DNAH2: variants seen among roughly 807,000 people sequenced by gnomAD.
DNAH2 encodes the protein dynein axonemal heavy chain 2, also known as axonemal beta dynein heavy chain 2.
Under a neutral mutation model 523.5 loss-of-function variants are expected in DNAH2, and 323 were observed. The observed-to-expected ratio is 0.62, with a 90% CI of 0.56 to 0.68. The LOEUF is 0.68. Among genes scored for constraint, DNAH2 ranks in the 30% least tolerant of loss-of-function variants. The probability of loss-of-function intolerance (pLI) is 0.00; values close to 1 mark genes in which losing one functional copy is unlikely to be tolerated. For synonymous variants in DNAH2, 2,093 were observed against 2,177.4 expected, an observed-to-expected ratio of 0.96 and a Z score of 1.08; for missense variants, 4,907 against 5,701.5, an observed-to-expected ratio of 0.86 and a Z score of 4.49.
In DNAH2 at chr17:7,766,180, C is replaced by T. The variant is rs574125600; in HGVS notation, c.3512-138C>T. On this transcript the variant is annotated intron_variant, in intron 21 of 85. Transcript: ENST00000572933. ...AAGATTAACCGTTATTCTTTCAACG[C>T]GTTCCCTCTTACTCTCCTTCCCTTC... 8.2e-5 allele frequency: 70 copies of T among 855,292 alleles called. No individual in the cohort carries two copies. The East Asian group carries it at 1.2e-3, about 15-fold the overall frequency. 53.0% of individuals were successfully genotyped at this position (855,292 alleles called of 1,614,324 possible). A position where few individuals can be genotyped will look rare whatever the true frequency, so the allele number is the denominator to read the frequency against.
chr17:7,805,197 G>C, intron 60 of DNAH2, 55 bp from the exon 61 acceptor site: 3 of 1,604,258 alleles, frequency 1.9e-6, no homozygotes, highest in Middle Eastern at 1.7e-4. Context: ...ACCTCAGCTA[G>C]GTTCTGTCTC....
At chr17:7,818,569 C>A in intron 69 of DNAH2, 74 bp from the exon 70 acceptor site, 2 of 1,602,714 alleles carry the variant, frequency 1.2e-6, no homozygotes, top group South Asian at 2.2e-5. Flanking sequence ...AGGGGTCTTT[C>A]AAGGTGGAAA....
At position 7,784,663 on chromosome 17, in the gene DNAH2, T is replaced by C. The variant is rs7221433; in HGVS notation, c.6130-1461T>C. 6.3e-3 allele frequency among the ~76,000 whole-genome samples: 965 copies of C among 152,294 alleles called. 8 individuals are homozygous for C. Among genetic ancestry groups the C allele is most frequent in the African/African-American group, 0.021 (875 of 41,572 alleles). On this transcript the variant is annotated intron_variant, in intron 39 of 85. Coordinates refer to ENST00000572933, the MANE Select transcript of DNAH2 (RefSeq NM_020877.5). The stretch of plus-strand genomic sequence containing the variant: ...ACTATGTAAAGGCCATAAATTTGCC[T>C]CAAAAATGTCAAAGGAAGATATTCA...
At chr17:7,739,962 C>T (rs1035458925) in intron 9 of DNAH2, 24 bp downstream of exon 9, 2 of 1,610,254 alleles carry the variant, frequency 1.2e-6, no homozygotes, top group African/African-American at 2.7e-5. Context: ...AGGCTGATGC[C>T]AGGCGTGGGC....
chr17:7,757,682 G>C (rs902336070), intron 13 of DNAH2, among the ~76,000 whole-genome samples: 1 of 152,058 alleles, frequency 6.6e-6, no homozygotes, highest in African/African-American at 2.4e-5. Context: ...AGTCTGTTTG[G>C]GCTTCTATAA....
At chr17:7,727,772 A>G (rs2074868822) in intron 4 of DNAH2, among the ~76,000 whole-genome samples, 1 of 151,160 alleles carries the variant, frequency 6.6e-6, no homozygotes, top group Non-Finnish European at 1.5e-5. Flanking sequence ...AAAAAAAAAA[A>G]AAAAAAGAAT....
rs2075780565 is a variant in DNAH2 at position 7,754,492 on chromosome 17, G to A, written c.1905-2599G>A. 1.3e-6 allele frequency: 1 copy of A among 741,432 alleles called. No homozygotes were observed. Among genetic ancestry groups the A allele is most frequent in the South Asian group, 1.7e-5 (1 of 60,196 alleles). The allele number at this position is 741,432 out of a possible 1,614,324, so 45.9% of individuals were successfully genotyped here. A position where few individuals can be genotyped will look rare whatever the true frequency, so the allele number is the denominator to read the frequency against. On this transcript the variant is annotated intron_variant, in intron 12 of 85. Transcript: ENST00000572933. This position sits in a 1 kb window ranked among gnomAD's most constrained non-coding sequence, Gnocchi z 4.6. ...AAGATACAAATCTCTTAAGGGGGTG[G>A]ACTCCAAGTTCCTGAGGAACATGCG...
chr17:7,786,033 A>G lies in DNAH2; in HGVS notation c.6130-91A>G. 2 of 1,366,454 alleles carry G rather than the reference A, an allele frequency of 1.5e-6. No homozygotes were observed. The highest frequency in any genetic ancestry group is 2.0e-6 in the Non-Finnish European group (2 of 981,740). The allele number at this position is 1,366,454 out of a possible 1,614,324, so 84.6% of individuals were successfully genotyped here. A position where few individuals can be genotyped will look rare whatever the true frequency, so the allele number is the denominator to read the frequency against. On this transcript the variant is annotated intron_variant, in intron 39 of 85. Coordinates refer to ENST00000572933, the MANE Select transcript of DNAH2 (RefSeq NM_020877.5). This position sits in a 1 kb window ranked among gnomAD's most constrained non-coding sequence, Gnocchi z 7.5. ...CCCTGGTGCCATTTTTAACAGTTTGAACGTATTCTCTCTGGCACCGGGGAG... is the reference window on the plus strand; with the variant it reads ...CCCTGGTGCCATTTTTAACAGTTTGGACGTATTCTCTCTGGCACCGGGGAG...
rs533739001 is a variant in DNAH2 at position 7,760,110 on chromosome 17, G to A, written c.2785+172G>A. On this transcript the variant is annotated intron_variant, in intron 17 of 85. Transcript: ENST00000572933. This position sits in a 1 kb window ranked among gnomAD's most constrained non-coding sequence, Gnocchi z 4.0. ...TCGGCTGGCACAGTGGCTTGTGCCT[G>A]TAATCCCAGCACTTTGGGAGGCTGA... is the stretch of plus-strand genomic sequence containing the variant. Among the ~76,000 whole-genome samples the A allele has an allele frequency of 2.3e-3, 348 of 152,316 alleles. 5 individuals are homozygous for A. Among genetic ancestry groups the A allele is most frequent in the Non-Finnish European group, 2.5e-4 (17 of 68,020 alleles).
intron 59 of DNAH2, 112 bp downstream of exon 59, chr17:7,804,578 G>A: frequency 8.1e-7 from 1 of 1,234,774 alleles, no homozygotes; most frequent in Non-Finnish European, 1.1e-6. Flanking sequence ...GGGTGCAGTG[G>A]CTCACGCCTG....
Position 7,742,939 on chromosome 17 carries a change from T to C in DNAH2, c.1701T>C (p.Gly567=). 1 of 1,465,458 alleles carries C rather than the reference T, an allele frequency of 6.8e-7. No homozygotes were observed. Among genetic ancestry groups the C allele is most frequent in the Non-Finnish European group, 9.0e-7 (1 of 1,110,628 alleles). 90.8% of individuals were successfully genotyped at this position (1,465,458 alleles called of 1,614,324 possible). Residue 567 remains glycine (G), a synonymous_variant, in exon 12 of 86, where the codon GGT becomes GGC. Coordinates refer to ENST00000572933, the MANE Select transcript of DNAH2 (RefSeq NM_020877.5). ...CTTCTTCCCCTCAGTGCCTTGCTGG[T>C]GCTCATTTCCTGCCCCGTATTGGGA... is the stretch of plus-strand genomic sequence containing the variant. ...RIDRVMTCLA[G]AHFLPRIGTG... is the part of the protein sequence containing the mutation.
chr17:7,832,171 G>T lies in DNAH2; in HGVS notation c.12726+396G>T, dbSNP rs2078194769. ...GTTCACCTGTAGTTGGGGAACAGGGGCTGCCACCACATAGTCTTCTCATAT... is the reference window on the plus strand; with the variant it reads ...GTTCACCTGTAGTTGGGGAACAGGGTCTGCCACCACATAGTCTTCTCATAT... On this transcript the variant is annotated intron_variant, in intron 82 of 85. Transcript: ENST00000572933. This position sits in a 1 kb window ranked among gnomAD's most constrained non-coding sequence, Gnocchi z 4.3. Among the ~76,000 whole-genome samples, 2 of 152,270 alleles carry T rather than the reference G, an allele frequency of 1.3e-5. No individual in the cohort carries two copies. The highest frequency in any genetic ancestry group is 4.1e-4 in the South Asian group (2 of 4,828).
chr17:7,783,088 T>C (rs2151252111), intron 39 of DNAH2, among the ~76,000 whole-genome samples: 1 of 152,214 alleles, frequency 6.6e-6, no homozygotes, highest in South Asian at 2.1e-4. Context: ...TTTTGTTTTG[T>C]TTTTTTGAGA....
rs367911452 is a variant in DNAH2 at position 7,797,702 on chromosome 17, G to A, written c.8103G>A (p.Lys2701=). 92 of 1,613,984 alleles carry A rather than the reference G, an allele frequency of 5.7e-5. 1 individual carries two copies. Among genetic ancestry groups the A allele is most frequent in the Non-Finnish European group, 7.3e-5 (86 of 1,180,030 alleles). The change falls in exon 53 of 86, where the codon AAG becomes AAA. Residue 2701 remains lysine (K), a synonymous_variant. Coordinates refer to ENST00000572933, the MANE Select transcript of DNAH2 (RefSeq NM_020877.5). ...PIFGDFLKEP[K]VYEDLTDLTV... ...CAGGGGATTTCCTGAAGGAGCCCAA[G>A]GTGTATGAAGACCTCACGGATCTGA...
At chr17:7,766,544 T>G in intron 22 of DNAH2, 63 bp downstream of exon 22, 1 of 1,526,754 alleles carries the variant, frequency 6.5e-7, no homozygotes, top group Non-Finnish European at 8.9e-7. Flanking sequence ...GGAGAATGGG[T>G]CCTTAGCGCC....
chr17:7,772,752 T>TTTTG (rs150502949), intron 28 of DNAH2, among the ~76,000 whole-genome samples: 3,286 of 151,046 alleles, frequency 0.022, 50 homozygotes, highest in South Asian at 0.068. Context: ...CACATTGGTT[T>TTTTG]TTTGTTTGTT....
Position 7,833,460 on chromosome 17 carries a change from T to G in DNAH2, c.13211T>G (p.Leu4404Arg). ...GCCTCCTTTGTCATCGGCATTGACC[T>G]GCGGTCTGGGGCCATGACACCTGAT... ...DRASFVIGID[L>R]RSGAMTPDHW... Residue 4404 changes from leucine (L) to arginine (R), a missense_variant, in exon 86 of 86, where the codon CTG becomes CGG. Leu to Arg is a moderately radical substitution (Grantham distance 102, BLOSUM62 -2). This residue lies in a region of DNAH2 where 1,851 missense variants were observed against 2,139.4 expected (regional missense o/e 0.87). Transcript: ENST00000572933. 6.2e-7 allele frequency: 1 copy of G among 1,614,168 alleles called. No homozygotes were observed. The highest frequency in any genetic ancestry group is 8.5e-7 in the Non-Finnish European group (1 of 1,180,036).
At chr17:7,819,746 G>T (rs1356414250) in intron 72 of DNAH2, among the ~76,000 whole-genome samples, 1 of 152,204 alleles carries the variant, frequency 6.6e-6, no homozygotes, top group African/African-American at 2.4e-5. Flanking sequence ...CCTGGGTTCT[G>T]CAACTCCAAC....
chr17:7,728,626 A>G (rs1431543757), intron 4 of DNAH2, among the ~76,000 whole-genome samples: 2 of 152,220 alleles, frequency 1.3e-5, no homozygotes, highest in Admixed American at 1.3e-4. Context: ...GCCGTGAAAA[A>G]CGATTTGAAG....
Sources: gnomAD v4.1 joint callset for allele counts (sites outside exome capture counted in the v4.1 genomes callset) on GRCh38, gnomAD v4.1.1 for gene constraint, gnomAD v4.1.1 regional missense constraint, Gnocchi (gnomAD v3.1) non-coding constraint, MANE v1.5 for transcripts, NCBI Gene and HGNC (gene_info 2026-07-23, HGNC 2026-07-21) for gene names.